The following PLA2G4E variants were observed in gnomAD, a reference collection of about 807,000 sequenced individuals.
PLA2G4E encodes the protein phospholipase A2 group IVE.
In PLA2G4E, 84 loss-of-function variants were observed where a neutral mutation model predicts 109.1. The observed-to-expected ratio is 0.77, with a 90% CI of 0.65 to 0.92. PLA2G4E has a LOEUF of 0.92. PLA2G4E is among the 40% of genes least tolerant of loss of function. The pLI is 0.00. For synonymous variants in PLA2G4E, 469 were observed against 436.1 expected, an observed-to-expected ratio of 1.08 and a Z score of -0.94; for missense variants, 1,057 against 1,076.6, an observed-to-expected ratio of 0.98 and a Z score of 0.25.
chr15:42,042,267 G>A (rs975530407), intron 1 of PLA2G4E, among the ~76,000 whole-genome samples: 5 of 151,966 alleles, frequency 3.3e-5, no homozygotes, highest in East Asian at 1.9e-4. Flanking sequence ...ATCAATATAC[G>A]TATATATAAA....
intron 2 of PLA2G4E, among the ~76,000 whole-genome samples, chr15:42,012,415 C>A (rs1351639689): frequency 6.6e-6 from 1 of 152,200 alleles, no homozygotes; most frequent in Admixed American, 6.5e-5. Flanking sequence ...CCCTCTTAGG[C>A]AATCATTAAC....
intron 1 of PLA2G4E, among the ~76,000 whole-genome samples, chr15:42,023,498 G>T (rs2068666797): frequency 6.6e-6 from 1 of 152,090 alleles, no homozygotes; most frequent in Non-Finnish European, 1.5e-5. Flanking sequence ...GGATCAATTA[G>T]GAGGTGAGAT....
intron 2 of PLA2G4E, 119 bp from the exon 3 acceptor site, chr15:42,007,984 T>A (rs2068494610): frequency 1.8e-6 from 2 of 1,128,300 alleles, no homozygotes; most frequent in Non-Finnish European, 2.5e-6. Flanking sequence ...GTTCCTCTCC[T>A]CATTCATGGG....
At position 42,007,722 on chromosome 15, in the gene PLA2G4E, G is replaced by GTC. The variant is rs1224255789; in HGVS notation, c.393+5_393+6dup. The GTC allele has an allele frequency of 6.2e-7, 1 of 1,610,838 alleles. No homozygotes were observed. Among genetic ancestry groups the GTC allele is most frequent in the Non-Finnish European group, 8.5e-7 (1 of 1,178,516 alleles). ...AGGGAAGACAGGTGCAGTCCTCCAT[G>GTC]TCTCACCTTCACTCGGCTCTGGATC... On this transcript the variant is annotated splice_region_variant and intron_variant, in intron 3 of 19. Transcript: ENST00000399518.
intron 1 of PLA2G4E, among the ~76,000 whole-genome samples, chr15:42,029,955 A>G (rs894229289): frequency 1.3e-5 from 2 of 152,296 alleles, no homozygotes; most frequent in Middle Eastern, 3.4e-3. Context: ...GTCATATATG[A>G]GAAGAGAGGT....
intron 7 of PLA2G4E, 103 bp downstream of exon 7, chr15:42,001,054 C>A: frequency 7.9e-7 from 1 of 1,262,594 alleles, no homozygotes; most frequent in Non-Finnish European, 1.1e-6. Flanking sequence ...TTTGGTCCCC[C>A]TGAGCCCAGG....
chr15:41,984,426 G>A lies in PLA2G4E; in HGVS notation c.2386+10C>T, dbSNP rs1160423033. ...GCAGGTGCTGGGAACTGAGCACAGA[G>A]GCAGCTCACCTGGTGCCTTGTATTT... is the stretch of plus-strand genomic sequence containing the variant. On this transcript the variant is annotated intron_variant, in intron 19 of 19. Coordinates refer to ENST00000399518, the Ensembl canonical transcript of PLA2G4E. 1 of 1,607,088 alleles carries A rather than the reference G, an allele frequency of 6.2e-7. No individual in the cohort carries two copies. Among genetic ancestry groups the A allele is most frequent in the South Asian group, 1.1e-5 (1 of 89,874 alleles).
intron 13 of PLA2G4E, among the ~76,000 whole-genome samples, chr15:41,992,456 T>C (rs2068266107): frequency 6.6e-6 from 1 of 152,214 alleles, no homozygotes; most frequent in Non-Finnish European, 1.5e-5. Context: ...CGTTTTTCCC[T>C]CACAGGTGTC....
chr15:42,036,159 C>G (rs1158936100), intron 1 of PLA2G4E, among the ~76,000 whole-genome samples: 1 of 152,174 alleles, frequency 6.6e-6, no homozygotes, highest in Non-Finnish European at 1.5e-5. Flanking sequence ...CCATCTGGAG[C>G]GGCCGCTGCC....
At chr15:42,030,523 G>A (rs551300038) in intron 1 of PLA2G4E, among the ~76,000 whole-genome samples, 1 of 152,344 alleles carries the variant, frequency 6.6e-6, no homozygotes, top group South Asian at 2.1e-4. Context: ...TGGAGCTCAG[G>A]AAAGAGAAAT....
At chr15:41,993,772 T>A (rs373642862) in intron 12 of PLA2G4E, among the ~76,000 whole-genome samples, 30 of 152,256 alleles carry the variant, frequency 2.0e-4, no homozygotes, top group East Asian at 1.5e-3. Flanking sequence ...AGGACTTGCT[T>A]TTGGGAAGGT....
At chr15:42,007,273 A>G (rs1381657917) in intron 3 of PLA2G4E, among the ~76,000 whole-genome samples, 2 of 152,226 alleles carry the variant, frequency 1.3e-5, no homozygotes, top group Admixed American at 1.3e-4. Context: ...GACCAATCCC[A>G]TGGAACAACT....
intron 2 of PLA2G4E, 29 bp downstream of exon 2, chr15:42,013,656 A>AG (rs72527314): frequency 1.6e-5 from 25 of 1,539,598 alleles, no homozygotes; most frequent in African/African-American, 5.5e-5. Flanking sequence ...CGGTAAGCAG[A>AG]GAAGGAGAGA....
intron 1 of PLA2G4E, among the ~76,000 whole-genome samples, chr15:42,020,058 C>G (rs1378089963): frequency 6.6e-6 from 1 of 152,244 alleles, no homozygotes; most frequent in African/African-American, 2.4e-5. Context: ...CCAGGGCACA[C>G]CCCAGGAGGC....
At position 42,020,697 on chromosome 15, in the gene PLA2G4E, G is replaced by C. The variant is rs1434500766; in HGVS notation, c.184-6940C>G. On this transcript the variant is annotated intron_variant, in intron 1 of 19. Coordinates refer to ENST00000399518, the Ensembl canonical transcript of PLA2G4E. ...CACTTCATGATGCCTTGAAAATCTT[G>C]AGGGTACTCTCAGCAGGGCCACCCA... 2.0e-5 allele frequency among the ~76,000 whole-genome samples: 3 copies of C among 152,164 alleles called. No individual in the cohort carries two copies. In the East Asian group the frequency reaches 5.8e-4, roughly 29 times the overall value.
intron 18 of PLA2G4E, 131 bp from the exon 19 acceptor site, chr15:41,984,750 T>C (rs536440328): frequency 3.7e-4 from 327 of 885,936 alleles, no homozygotes; most frequent in Non-Finnish European, 4.2e-4. Flanking sequence ...TGCCAGTGTA[T>C]GGTATTTTGA....
At chr15:42,037,656 G>A (rs542398131) in intron 1 of PLA2G4E, among the ~76,000 whole-genome samples, 12 of 152,308 alleles carry the variant, frequency 7.9e-5, no homozygotes, top group Non-Finnish European at 1.2e-4. Flanking sequence ...TCACTTCGTT[G>A]TGGGTGAAGA....
At chr15:42,050,582 G>A in exon 1 of PLA2G4E, 1 of 1,550,624 alleles carries the variant, frequency 6.4e-7, no homozygotes, top group Non-Finnish European at 8.7e-7. Context: ...CAGGTCCTGT[G>A]TATCCTCGAA....
At chr15:42,039,123 AGC>A (rs1889270460) in intron 1 of PLA2G4E, among the ~76,000 whole-genome samples, 1 of 152,142 alleles carries the variant, frequency 6.6e-6, no homozygotes, top group Non-Finnish European at 1.5e-5. Context: ...ACTGCCTTCA[AGC>A]CTCTTACCCT....
Sources: allele counts gnomAD v4.1 joint callset (sites outside exome capture counted in the v4.1 genomes callset), GRCh38; gene constraint gnomAD v4.1.1; transcripts MANE v1.5; gene names NCBI Gene and HGNC (gene_info 2026-07-23, HGNC 2026-07-21).